The following DUSP29 variants were observed in gnomAD, a reference collection of about 807,000 sequenced individuals.
DUSP29 encodes the protein dual specificity phosphatase 29.
DUSP29 carries 12 observed loss-of-function variants against 13.5 expected under a neutral mutation model. The ratio of observed to expected loss-of-function variants is 0.89; its 90% CI spans 0.57 to 1.44. DUSP29 has a LOEUF of 1.44. Among genes scored for constraint, DUSP29 ranks in the 40% most tolerant of loss-of-function variants. The pLI, the probability that DUSP29 is intolerant of heterozygous loss-of-function variation, is 0.00. For missense variants in DUSP29, 308 were observed against 301.1 expected (o/e 1.02, Z -0.17); for synonymous variants, 134 against 128.7 (o/e 1.04, Z -0.28).
At chr10:75,040,609 T>C (rs1846560297) in intron 3 of DUSP29, among the ~76,000 whole-genome samples, 2 of 152,228 alleles carry the variant, frequency 1.3e-5, no homozygotes, top group South Asian at 4.1e-4. Context: ...TGACCTCTTA[T>C]ACAGCAAAGT....
At chr10:75,043,414 T>C (rs1397892436) in intron 3 of DUSP29, among the ~76,000 whole-genome samples, 2 of 152,192 alleles carry the variant, frequency 1.3e-5, no homozygotes, top group African/African-American at 2.4e-5. Context: ...GGATGGCAAA[T>C]GTTCTTTAGC....
At chr10:75,057,003 C>T (rs895343021) in intron 2 of DUSP29, among the ~76,000 whole-genome samples, 5 of 152,134 alleles carry the variant, frequency 3.3e-5, no homozygotes, top group Admixed American at 6.5e-5. Flanking sequence ...AGGCCGGGCA[C>T]GGTGGCTCAC....
At chr10:75,053,974 C>A (rs535571780) in intron 2 of DUSP29, among the ~76,000 whole-genome samples, 13 of 152,150 alleles carry the variant, frequency 8.5e-5, no homozygotes, top group Non-Finnish European at 1.9e-4. Flanking sequence ...AGGCATGACA[C>A]CTACCACCTA....
chr10:75,046,996 G>A (rs1332855196), intron 2 of DUSP29, among the ~76,000 whole-genome samples: 1 of 152,214 alleles, frequency 6.6e-6, no homozygotes, highest in East Asian at 1.9e-4. Flanking sequence ...ATGAATAACA[G>A]TTTGCACTTT....
At chr10:75,068,125 A>C (rs1847242869) in intron 1 of DUSP29, among the ~76,000 whole-genome samples, 1 of 152,126 alleles carries the variant, frequency 6.6e-6, no homozygotes, top group Non-Finnish European at 1.5e-5. Context: ...CTGCAAGAAA[A>C]TTTTTAAAAA....
In DUSP29 at chr10:75,038,047, C is replaced by T. The variant is rs151254751; in HGVS notation, c.452G>A (p.Arg151His). 381 of 1,613,480 alleles carry T rather than the reference C, an allele frequency of 2.4e-4. No individual in the cohort carries two copies. Among genetic ancestry groups the T allele is most frequent in the Non-Finnish European group, 2.6e-4 (309 of 1,179,952 alleles). The change falls in exon 4 of 4, where the codon CGC becomes CAC. Residue 151 changes from arginine (R) to histidine (H), a missense_variant. Coordinates refer to ENST00000338487, the MANE Select transcript of DUSP29 (RefSeq NM_001003892.3). ...CAGGACCAGGGTGGCTGACCGGCTG[C>T]GGCCCATGACGCAGTGAACCAGGAT... ...SKILVHCVMG[R>H]SRSATLVLAY...
chr10:75,058,622 G>A lies in DUSP29; in HGVS notation c.-34-74C>T. 5.6e-6 allele frequency: 7 copies of A among 1,255,700 alleles called. No individual in the cohort carries two copies. The South Asian group carries it at 8.4e-5, about 15-fold the overall frequency. 77.8% of individuals were successfully genotyped at this position (1,255,700 alleles called of 1,614,324 possible). ...CAGGGAATAGGCTTTACAAAAAGAGGTGGGAATAAGCTTATCTTAAAATTT... is the reference window on the plus strand; with the variant it reads ...CAGGGAATAGGCTTTACAAAAAGAGATGGGAATAAGCTTATCTTAAAATTT... On this transcript the variant is annotated intron_variant, in intron 1 of 3. Coordinates refer to ENST00000338487, the MANE Select transcript of DUSP29 (RefSeq NM_001003892.3).
At chr10:75,068,131 A>T (rs995866705) in intron 1 of DUSP29, among the ~76,000 whole-genome samples, 3 of 152,174 alleles carry the variant, frequency 2.0e-5, no homozygotes, top group East Asian at 1.9e-4. Flanking sequence ...GAAAATTTTT[A>T]AAAATTATAT....
intron 1 of DUSP29, among the ~76,000 whole-genome samples, chr10:75,066,026 C>T (rs1010644845): frequency 2.0e-5 from 3 of 152,146 alleles, no homozygotes; most frequent in African/African-American, 7.2e-5. Context: ...CCACTTTGGC[C>T]TATTTGAGGG....
chr10:75,045,311 C>T lies in DUSP29; in HGVS notation c.201-1294G>A, dbSNP rs536189529. Among the ~76,000 whole-genome samples, 5 of 152,262 alleles carry T rather than the reference C, an allele frequency of 3.3e-5. 1 individual carries two copies. In the South Asian group the frequency reaches 1.0e-3, roughly 32 times the overall value. On this transcript the variant is annotated intron_variant, in intron 2 of 3. Transcript: ENST00000338487. ...CTTGAACCCAGGAAGTGGAGGTTGT[C>T]GTGAGCTGAGACCACGCCACTGCAC...
intron 1 of DUSP29, among the ~76,000 whole-genome samples, chr10:75,070,745 AC>A (rs554300420): frequency 2.2e-3 from 340 of 151,908 alleles, no homozygotes; most frequent in African/African-American, 7.9e-3. Flanking sequence ...GGGTGACAGG[AC>A]CCATCGCCTC....
rs577058219 is a variant in DUSP29 at position 75,042,148 on chromosome 10, C to T, written c.421+1649G>A. Reference sequence around the variant, plus strand: ...GGTTCTATGCTAAGCGCTTTACGCGCGTTACTGCTGATCCTCATTATAACC... The same window carrying T: ...GGTTCTATGCTAAGCGCTTTACGCGTGTTACTGCTGATCCTCATTATAACC... On this transcript the variant is annotated intron_variant, in intron 3 of 3. Coordinates refer to ENST00000338487, the MANE Select transcript of DUSP29 (RefSeq NM_001003892.3). Among the ~76,000 whole-genome samples the T allele has an allele frequency of 1.4e-4, 21 of 152,366 alleles. No homozygotes were observed. The South Asian group carries it at 1.7e-3, about 12-fold the overall frequency.
At chr10:75,064,781 A>G (rs1370308082) in intron 1 of DUSP29, among the ~76,000 whole-genome samples, 1 of 152,150 alleles carries the variant, frequency 6.6e-6, no homozygotes, top group Non-Finnish European at 1.5e-5. Flanking sequence ...TTATGCATAA[A>G]AAAACCCAAA....
At chr10:75,072,688 G>A (rs1383357075) in intron 1 of DUSP29, among the ~76,000 whole-genome samples, 1 of 152,076 alleles carries the variant, frequency 6.6e-6, no homozygotes, top group East Asian at 1.9e-4. Context: ...TGGCGGCCGT[G>A]AGTGTGGCAA....
intron 1 of DUSP29, among the ~76,000 whole-genome samples, chr10:75,067,693 G>C (rs1042389894): frequency 2.6e-5 from 4 of 152,114 alleles, no homozygotes; most frequent in African/African-American, 7.2e-5. Flanking sequence ...GCCTTCTAGA[G>C]GTTTTTAGCT....
intron 2 of DUSP29, among the ~76,000 whole-genome samples, chr10:75,047,796 A>G (rs1181514118): frequency 6.6e-6 from 1 of 152,226 alleles, no homozygotes; most frequent in African/African-American, 2.4e-5. Flanking sequence ...CCCCCCTCCA[A>G]AAAAATCACC....
chr10:75,058,604 T>C (rs1028532117), intron 1 of DUSP29, 56 bp from the exon 2 acceptor site: 50 of 1,416,882 alleles, frequency 3.5e-5, no homozygotes, highest in Non-Finnish European at 4.6e-5. Flanking sequence ...AGGCAGGGAA[T>C]AGGCTTTACA....
chr10:75,047,070 C>A (rs1846722824), intron 2 of DUSP29, among the ~76,000 whole-genome samples: 2 of 152,176 alleles, frequency 1.3e-5, no homozygotes, highest in Admixed American at 6.5e-5. Flanking sequence ...CCATATCCAC[C>A]ACACCAGGCT....
intron 2 of DUSP29, among the ~76,000 whole-genome samples, chr10:75,048,036 A>C (rs1035996352): frequency 1.3e-5 from 2 of 152,170 alleles, no homozygotes; most frequent in Non-Finnish European, 2.9e-5. Context: ...GGTATGTCCC[A>C]ATTTTTTCTT....
Sources: allele counts gnomAD v4.1 joint callset (sites outside exome capture counted in the v4.1 genomes callset), GRCh38; gene constraint gnomAD v4.1.1; transcripts MANE v1.5; gene names NCBI Gene and HGNC (gene_info 2026-07-23, HGNC 2026-07-21).